Variants in PDS5B observed in about 807,000 individuals in gnomAD.
PDS5B encodes the protein PDS5 cohesin associated factor B, also known as sister chromatid cohesion protein PDS5 homolog B.
PDS5B carries 51 observed loss-of-function variants against 184.1 expected under a neutral mutation model. That is an observed-to-expected ratio of 0.28 (90% confidence interval 0.22 to 0.35). The LOEUF (loss-of-function observed/expected upper bound fraction) is 0.35. PDS5B is among the 10% of genes least tolerant of loss of function. The pLI is 1.00. For missense variants in PDS5B, 1,180 were observed against 1,723.3 expected (o/e 0.68, Z 5.58); for synonymous variants, 566 against 569.2 (o/e 0.99, Z 0.08).
chr13:32,593,127 A>T (rs1441224878), intron 1 of PDS5B, among the ~76,000 whole-genome samples: 1 of 152,124 alleles, frequency 6.6e-6, no homozygotes, highest in Non-Finnish European at 1.5e-5. Flanking sequence ...CATTACGGAG[A>T]ATATTATGGG....
intron 19 of PDS5B, among the ~76,000 whole-genome samples, chr13:32,720,115 C>T (rs1566370376): frequency 2.6e-5 from 4 of 152,142 alleles, no homozygotes; most frequent in Admixed American, 1.3e-4. Context: ...ATTAAAGATT[C>T]TTAATGAAGG....
intron 1 of PDS5B, among the ~76,000 whole-genome samples, chr13:32,622,557 CTTGT>C (rs1187883950): frequency 5.3e-5 from 8 of 152,198 alleles, no homozygotes; most frequent in East Asian, 1.9e-4. Context: ...TGTTAATTAC[CTTGT>C]TTAAGTCTTC....
Position 32,701,358 on chromosome 13 carries a change from G to A in PDS5B, c.1776G>A (p.Gln592=), listed in dbSNP as rs768312258. The change falls in exon 17 of 35, where the codon CAG becomes CAA. Residue 592 remains glutamine, a synonymous_variant. Transcript: ENST00000315596. ...CTAAGAAGTTGGGCAACCCCAAACA[G>A]CCTACAAATCCTTTCCTGGAAATGA... ...EITKKLGNPK[Q]PTNPFLEMIK... 8.1e-6 allele frequency: 13 copies of A among 1,612,554 alleles called. No individual in the cohort carries two copies. The highest frequency in any genetic ancestry group is 5.3e-5 in the African/African-American group (4 of 74,978).
chr13:32,759,694 T>G lies in PDS5B; in HGVS notation c.3372+4T>G. On this transcript the variant is annotated splice_donor_region_variant and intron_variant, in intron 29 of 34. Transcript: ENST00000315596. ...ATCATTTTTCACTCCTGGAAAAGTA[T>G]GTTTTGAGAATCATTTTAATTTTTA... The G allele has an allele frequency of 2.0e-6, 3 of 1,505,042 alleles. No individual in the cohort carries two copies. The highest frequency in any genetic ancestry group is 2.7e-6 in the Non-Finnish European group (3 of 1,093,180). The allele number at this position is 1,505,042 out of a possible 1,614,324, so 93.2% of individuals were successfully genotyped here.
intron 3 of PDS5B, among the ~76,000 whole-genome samples, chr13:32,656,262 G>A (rs1239690424): frequency 2.9e-5 from 4 of 136,806 alleles, no homozygotes; most frequent in African/African-American, 1.1e-4. Flanking sequence ...GTAATGTGAT[G>A]TCTCCAGCTT....
At chr13:32,731,401 C>G (rs1007176295) in intron 19 of PDS5B, among the ~76,000 whole-genome samples, 1 of 152,096 alleles carries the variant, frequency 6.6e-6, no homozygotes, top group African/African-American at 2.4e-5. Context: ...TACTCAGTAC[C>G]TCCCTCAGAA....
intron 19 of PDS5B, among the ~76,000 whole-genome samples, chr13:32,720,277 A>G (rs1190420368): frequency 6.6e-6 from 1 of 152,198 alleles, no homozygotes; most frequent in Non-Finnish European, 1.5e-5. Flanking sequence ...TGCAACCAGT[A>G]TTAGTTAGCA....
At position 32,694,302 on chromosome 13, in the gene PDS5B, A is replaced by G. The variant is rs1253881522; in HGVS notation, c.1549A>G (p.Lys517Glu). ...KDLLDLIKQP[K>E]TDASVKAIFS... is the part of the protein sequence containing the mutation. ...TTTGCTTGACTTGATTAAGCAACCC[A>G]AAGTAAGTAAGAATTTTTTCCTTCA... The change falls in exon 14 of 35, where the codon AAA becomes GAA. Residue 517 changes from lysine (K) to glutamate (E), a missense_variant and splice_region_variant. Coordinates refer to ENST00000315596, the MANE Select transcript of PDS5B (RefSeq NM_015032.4). 1 of 1,581,008 alleles carries G rather than the reference A, an allele frequency of 6.3e-7. No individual in the cohort carries two copies. The highest frequency in any genetic ancestry group is 8.6e-7 in the Non-Finnish European group (1 of 1,160,890).
chr13:32,666,955 A>G (rs1264226372), intron 6 of PDS5B, among the ~76,000 whole-genome samples: 1 of 152,192 alleles, frequency 6.6e-6, no homozygotes, highest in African/African-American at 2.4e-5. Flanking sequence ...TGTACAAGAC[A>G]TATAATTTAA....
At chr13:32,771,976 T>C (rs1200284406) in intron 33 of PDS5B, among the ~76,000 whole-genome samples, 1 of 151,998 alleles carries the variant, frequency 6.6e-6, no homozygotes, top group Non-Finnish European at 1.5e-5. Context: ...TGGAAGAAGA[T>C]TCTGTAGTCT....
At chr13:32,677,111 A>T (rs935346166) in intron 9 of PDS5B, among the ~76,000 whole-genome samples, 2 of 152,032 alleles carry the variant, frequency 1.3e-5, no homozygotes, top group African/African-American at 4.8e-5. Context: ...ATAAGTTGTG[A>T]TAAGTGTTTG....
intron 1 of PDS5B, among the ~76,000 whole-genome samples, chr13:32,619,664 AGAT>A (rs760380552): frequency 3.3e-5 from 5 of 152,212 alleles, no homozygotes; most frequent in Non-Finnish European, 5.9e-5. Flanking sequence ...TGATGTCACA[AGAT>A]GATAGGAATT....
At chr13:32,675,000 G>T (rs768403299) in intron 8 of PDS5B, among the ~76,000 whole-genome samples, 1 of 151,022 alleles carries the variant, frequency 6.6e-6, no homozygotes, top group African/African-American at 2.4e-5. Context: ...CCAGGCTTGA[G>T]ATATAATTAC....
intron 6 of PDS5B, among the ~76,000 whole-genome samples, chr13:32,664,599 C>G (rs755449936): frequency 3.3e-5 from 5 of 152,292 alleles, no homozygotes; most frequent in East Asian, 1.9e-4. Context: ...CTCACTAGCT[C>G]TCTCTCATTA....
At chr13:32,590,015 A>G (rs185521932) in intron 1 of PDS5B, among the ~76,000 whole-genome samples, 2 of 152,346 alleles carry the variant, frequency 1.3e-5, no homozygotes, top group Admixed American at 1.3e-4. Flanking sequence ...GTGATCGTGC[A>G]CAGTGAAAAA....
At chr13:32,653,508 A>C (rs1950422168) in intron 3 of PDS5B, among the ~76,000 whole-genome samples, 1 of 152,128 alleles carries the variant, frequency 6.6e-6, no homozygotes. Flanking sequence ...GAAGTGAGGA[A>C]TGTGCTTATT....
intron 24 of PDS5B, among the ~76,000 whole-genome samples, chr13:32,747,298 T>C (rs1953783323): frequency 6.6e-6 from 1 of 152,224 alleles, no homozygotes; most frequent in Admixed American, 6.5e-5. Flanking sequence ...AAGAATTTAC[T>C]TCAGTGATCA....
intron 1 of PDS5B, among the ~76,000 whole-genome samples, chr13:32,610,525 T>C (rs1320799641): frequency 6.6e-6 from 1 of 152,214 alleles, no homozygotes; most frequent in Non-Finnish European, 1.5e-5. Context: ...AATACTGTGA[T>C]CTTTTCCTTC....
intron 20 of PDS5B, among the ~76,000 whole-genome samples, chr13:32,733,438 A>C (rs1426482320): frequency 6.6e-6 from 1 of 152,172 alleles, no homozygotes; most frequent in Non-Finnish European, 1.5e-5. Flanking sequence ...AATTGAAAAA[A>C]CTACACTATG....
Sources: allele counts gnomAD v4.1 joint callset (sites outside exome capture counted in the v4.1 genomes callset), GRCh38; gene constraint gnomAD v4.1.1; transcripts MANE v1.5; gene names NCBI Gene and HGNC (gene_info 2026-07-23, HGNC 2026-07-21).